Variants in NCALD observed in about 807,000 individuals in gnomAD.
NCALD encodes the protein neurocalcin-delta.
NCALD carries 10 observed loss-of-function variants against 18.6 expected under a neutral mutation model. That is an observed-to-expected ratio of 0.54 (90% CI 0.33 to 0.91). The LOEUF (loss-of-function observed/expected upper bound fraction) is 0.91, where lower values mean the gene tolerates loss of function less well. Among genes scored for constraint, NCALD ranks in the 40% least tolerant of loss-of-function variants. NCALD has a pLI of 0.03. For synonymous variants in NCALD, 88 were observed against 87.4 expected (o/e 1.01, Z -0.04); for missense variants, 184 against 247.6 (o/e 0.74, Z 1.72).
At chr8:101,768,128 C>T (rs1358595080) in intron 1 of NCALD, among the ~76,000 whole-genome samples, 1 of 152,144 alleles carries the variant, frequency 6.6e-6, no homozygotes, top group Non-Finnish European at 1.5e-5. Flanking sequence ...CAATCTAGAG[C>T]CCTGTTACCT....
At chr8:101,966,669 A>G (rs1386552893) in intron 2 of NCALD, among the ~76,000 whole-genome samples, 1 of 152,192 alleles carries the variant, frequency 6.6e-6, no homozygotes, top group Non-Finnish European at 1.5e-5. Context: ...TGGTAAACTT[A>G]GCATTCTTAT....
At chr8:102,060,239 C>T (rs1025546525) in intron 1 of NCALD, among the ~76,000 whole-genome samples, 17 of 151,650 alleles carry the variant, frequency 1.1e-4, no homozygotes, top group Non-Finnish European at 1.2e-4. Flanking sequence ...CCTTGGCCTC[C>T]CAAAATGCTG....
chr8:101,761,515 C>A (rs138094076), intron 1 of NCALD, among the ~76,000 whole-genome samples: 1 of 152,262 alleles, frequency 6.6e-6, no homozygotes, highest in East Asian at 1.9e-4. Context: ...TCCAGAAAAT[C>A]TCTTGGATGA....
intron 2 of NCALD, among the ~76,000 whole-genome samples, chr8:101,707,830 T>C (rs924510633): frequency 3.3e-5 from 5 of 151,924 alleles, no homozygotes; most frequent in African/African-American, 9.7e-5. Context: ...ATTGCACTAC[T>C]GCACTCCAGC....
At chr8:101,703,165 TC>T (rs1202082439) in intron 2 of NCALD, among the ~76,000 whole-genome samples, 6 of 142,748 alleles carry the variant, frequency 4.2e-5, no homozygotes, top group Non-Finnish European at 6.3e-5. Flanking sequence ...TTTTTTTTTT[TC>T]CCCCAAAACA....
chr8:102,109,212 T>C (rs759560876), intron 1 of NCALD, among the ~76,000 whole-genome samples: 8 of 152,150 alleles, frequency 5.3e-5, no homozygotes, highest in Non-Finnish European at 2.9e-5. Flanking sequence ...ACTCTCCTGA[T>C]TATTTGGTTT....
At chr8:102,026,279 C>A (rs549662349) in intron 1 of NCALD, among the ~76,000 whole-genome samples, 114 of 152,250 alleles carry the variant, frequency 7.5e-4, no homozygotes, top group Non-Finnish European at 1.5e-3. Context: ...AGTCCAAGTC[C>A]AAAGTCTCAT....
chr8:102,122,931 CAT>C (rs1825984052), intron 1 of NCALD, among the ~76,000 whole-genome samples: 1 of 152,218 alleles, frequency 6.6e-6, no homozygotes, highest in Non-Finnish European at 1.5e-5. Context: ...GGTAGGTAAA[CAT>C]GTGAATTTCA....
chr8:101,868,347 A>G (rs950708288), intron 4 of NCALD, among the ~76,000 whole-genome samples: 1 of 152,058 alleles, frequency 6.6e-6, no homozygotes, highest in African/African-American at 2.4e-5. Context: ...GGGATCCCGG[A>G]ATTCCCTGTT....
At chr8:102,080,828 G>A (rs1824504582) in intron 1 of NCALD, among the ~76,000 whole-genome samples, 1 of 152,218 alleles carries the variant, frequency 6.6e-6, no homozygotes, top group African/African-American at 2.4e-5. Context: ...GGCTCCAGCT[G>A]GTCTGGGTCT....
intron 4 of NCALD, among the ~76,000 whole-genome samples, chr8:101,816,251 G>A (rs1373505114): frequency 1.3e-5 from 2 of 152,126 alleles, no homozygotes; most frequent in Admixed American, 1.3e-4. Context: ...GTGGTATAAG[G>A]ATTATTTTGA....
At chr8:101,734,246 C>T (rs747368774) in intron 1 of NCALD, among the ~76,000 whole-genome samples, 6 of 152,174 alleles carry the variant, frequency 3.9e-5, no homozygotes, top group Non-Finnish European at 8.8e-5. Flanking sequence ...ATTTTCTAAA[C>T]GTTCTCATTG....
intron 1 of NCALD, among the ~76,000 whole-genome samples, chr8:102,104,356 G>A (rs767614445): frequency 1.3e-5 from 2 of 152,046 alleles, no homozygotes; most frequent in Non-Finnish European, 2.9e-5. Flanking sequence ...CAAATAGGGG[G>A]CACCTAGCAA....
chr8:102,042,108 G>C lies in NCALD; in HGVS notation c.-209-21819C>G, dbSNP rs549567241. ...GTACACACAGTCCTCAAAGAGTTTG[G>C]TGTACTTGTTATTTGTATAACAGGA... On this transcript the variant is annotated intron_variant, in intron 1 of 6. Coordinates refer to the NCALD transcript ENST00000311028. Among the ~76,000 whole-genome samples the C allele has an allele frequency of 1.9e-3, 283 of 152,010 alleles. 3 individuals carry two copies. The highest frequency in any genetic ancestry group is 2.4e-3 in the Non-Finnish European group (161 of 68,026).
intron 3 of NCALD, among the ~76,000 whole-genome samples, chr8:101,912,591 G>A (rs913831375): frequency 5.3e-5 from 8 of 152,276 alleles, no homozygotes; most frequent in African/African-American, 1.2e-4. Context: ...TATTTACCTC[G>A]TGCTATAGTT....
At chr8:102,045,955 C>T (rs544541147) in intron 1 of NCALD, among the ~76,000 whole-genome samples, 1 of 152,074 alleles carries the variant, frequency 6.6e-6, no homozygotes, top group Admixed American at 6.5e-5. Context: ...TCACTGAGCT[C>T]GAAACTGAAT....
Position 101,926,399 on chromosome 8 carries a change from G to A in NCALD, c.-156-10541C>T, listed in dbSNP as rs186292029. The stretch of plus-strand genomic sequence containing the variant: ...ATGCTAAGCTTTCTACAACCACAGG[G>A]GCTGATTAGAAGATAATTGTGGCTT... On this transcript the variant is annotated intron_variant, in intron 2 of 6. Transcript: ENST00000311028. 3.3e-5 allele frequency among the ~76,000 whole-genome samples: 5 copies of A among 152,142 alleles called. No individual in the cohort carries two copies. In the East Asian group the frequency reaches 7.7e-4, roughly 24 times the overall value.
At chr8:101,701,465 C>T (rs899204444) in intron 2 of NCALD, among the ~76,000 whole-genome samples, 1 of 152,216 alleles carries the variant, frequency 6.6e-6, no homozygotes, top group Admixed American at 6.5e-5. Flanking sequence ...AGGAGCCCAG[C>T]CCTGACTCTG....
chr8:102,115,299 G>C (rs901217972), intron 1 of NCALD, among the ~76,000 whole-genome samples: 1 of 152,102 alleles, frequency 6.6e-6, no homozygotes. Flanking sequence ...TAACATGAAG[G>C]GGCACTTTAC....
Sources: allele counts gnomAD v4.1 joint callset (sites outside exome capture counted in the v4.1 genomes callset), GRCh38; gene constraint gnomAD v4.1.1; transcripts MANE v1.5; gene names NCBI Gene and HGNC (gene_info 2026-07-23, HGNC 2026-07-21).